TLN2: variants seen among roughly 807,000 people sequenced by gnomAD.
TLN2 encodes the protein talin 2.
A neutral mutation model predicts 294.7 loss-of-function variants in TLN2; 118 were observed. The observed-to-expected ratio is 0.40, with a 90% CI of 0.34 to 0.47. TLN2 has a LOEUF of 0.47. TLN2 is among the 20% of genes least tolerant of loss of function. The probability of loss-of-function intolerance (pLI) is 0.84; values close to 1 mark genes in which losing one functional copy is unlikely to be tolerated. For synonymous variants in TLN2, 1,431 were observed against 1,304.5 expected (o/e 1.10, Z -2.09); for missense variants, 3,083 against 3,282.2 (o/e 0.94, Z 1.48).
intron 2 of TLN2, among the ~76,000 whole-genome samples, chr15:62,591,445 A>G (rs1430744809): frequency 6.6e-6 from 1 of 152,208 alleles, no homozygotes; most frequent in Non-Finnish European, 1.5e-5. Context: ...GACATCTGGC[A>G]TGGTCAAACT....
intron 11 of TLN2, among the ~76,000 whole-genome samples, chr15:62,676,905 G>A (rs1000993655): frequency 2.6e-5 from 4 of 152,110 alleles, no homozygotes; most frequent in African/African-American, 4.8e-5. Context: ...GTGAGCCACC[G>A]CACCCTATCT....
At chr15:62,748,480 A>G (rs755027417) in intron 33 of TLN2, 36 bp downstream of exon 33, 15 of 1,502,840 alleles carry the variant, frequency 1.0e-5, no homozygotes, top group African/African-American at 5.5e-5. Flanking sequence ...GACTTGAGAG[A>G]GGGAGTGTCT....
intron 41 of TLN2, among the ~76,000 whole-genome samples, 174 bp from the exon 42 acceptor site, chr15:62,770,790 C>T (rs906543885): frequency 6.6e-6 from 1 of 152,132 alleles, no homozygotes; most frequent in Non-Finnish European, 1.5e-5. Context: ...AAAGTAAAAA[C>T]CAAGAAAGAG....
chr15:62,687,771 T>C (rs991953325), intron 12 of TLN2: 1 of 152,162 alleles, frequency 6.6e-6, no homozygotes, highest in Non-Finnish European at 1.5e-5. Context: ...AATTTGACTA[T>C]AGATTGATAG....
chr15:62,696,664 C>T (rs1455080369), intron 14 of TLN2, among the ~76,000 whole-genome samples: 7 of 152,172 alleles, frequency 4.6e-5, no homozygotes, highest in South Asian at 2.1e-4. Context: ...GCCGAGATCA[C>T]GCCACTGCAC....
At chr15:62,824,128 C>G (rs1279331454) in intron 54 of TLN2, 1 of 368,176 alleles carries the variant, frequency 2.7e-6, no homozygotes, top group East Asian at 8.3e-5. Flanking sequence ...ATGGAGCACT[C>G]ATTACAATTC....
At chr15:62,779,941 G>C (rs369101602) in intron 43 of TLN2, among the ~76,000 whole-genome samples, 29 of 152,144 alleles carry the variant, frequency 1.9e-4, no homozygotes, top group African/African-American at 7.0e-4. Context: ...ACATATAGCT[G>C]TCACTGAAGA....
intron 1 of TLN2, among the ~76,000 whole-genome samples, chr15:62,523,510 T>C (rs1390419076): frequency 6.6e-6 from 1 of 152,262 alleles, no homozygotes; most frequent in African/African-American, 2.4e-5. Context: ...AACACTATGC[T>C]AACTATGTTA....
At chr15:62,404,212 A>G (rs548161367) in intron 1 of TLN2, among the ~76,000 whole-genome samples, 10 of 152,300 alleles carry the variant, frequency 6.6e-5, no homozygotes, top group African/African-American at 2.4e-4. Flanking sequence ...CATCCTTATT[A>G]AATACTTGTT....
chr15:62,767,334 CTTT>C (rs2063071051), intron 41 of TLN2, among the ~76,000 whole-genome samples: 1 of 148,876 alleles, frequency 6.7e-6, no homozygotes, highest in Non-Finnish European at 1.5e-5. Context: ...CTTTTCTTTT[CTTT>C]TCTTTTCTTT....
rs376704356 is a variant in TLN2, at chr15:62,783,874, C to T, written c.5720C>T (p.Thr1907Met). Residue 1907 changes from threonine to methionine, a missense_variant, in exon 45 of 59, where the codon ACG (threonine) becomes ATG (methionine). Thr to Met is a moderately conservative substitution (Grantham distance 81, BLOSUM62 -1). Coordinates refer to ENST00000636159, the MANE Select transcript of TLN2 (RefSeq NM_015059.3). ...TTCCAGGGCCAGATGGCAGCAGCCA[C>T]GGCGGAACCAGAGGAGGTCTGCCAC... The part of the protein sequence containing the change: ...LAFQGQMAAA[T>M]AEPEEIGFQI... The T allele has an allele frequency of 1.2e-5, 20 of 1,614,028 alleles. No individual in the cohort carries two copies. The highest frequency in any genetic ancestry group is 1.7e-4 in the Middle Eastern group (1 of 6,040).
At chr15:62,415,028 C>T (rs1163638219) in intron 1 of TLN2, among the ~76,000 whole-genome samples, 1 of 141,000 alleles carries the variant, frequency 7.1e-6, no homozygotes, top group Non-Finnish European at 1.5e-5. Flanking sequence ...TCTGCCTCAG[C>T]CCCCCGAGTA....
intron 1 of TLN2, among the ~76,000 whole-genome samples, chr15:62,472,916 G>T (rs1035443592): frequency 6.6e-6 from 1 of 152,212 alleles, no homozygotes; most frequent in African/African-American, 2.4e-5. Flanking sequence ...GAAGGGGGTG[G>T]CCCAGGGTTC....
chr15:62,778,963 T>G (rs1018737301), intron 43 of TLN2, among the ~76,000 whole-genome samples: 1 of 152,262 alleles, frequency 6.6e-6, no homozygotes, highest in African/African-American at 2.4e-5. Flanking sequence ...TGGGTCCCTG[T>G]GCAGCAAGCG....
intron 1 of TLN2, among the ~76,000 whole-genome samples, chr15:62,398,142 TGGG>T (rs2032715749): frequency 2.0e-5 from 3 of 152,148 alleles, no homozygotes; most frequent in Admixed American, 1.3e-4. Context: ...AGGGACCTGG[TGGG>T]AAGTTATTGA....
At chr15:62,444,683 T>C (rs2035727739) in intron 1 of TLN2, among the ~76,000 whole-genome samples, 1 of 152,228 alleles carries the variant, frequency 6.6e-6, no homozygotes, top group Non-Finnish European at 1.5e-5. Flanking sequence ...TGCTTCTAAT[T>C]ACTGGCTAAG....
chr15:62,483,398 T>A (rs1309975530), intron 1 of TLN2, among the ~76,000 whole-genome samples: 2 of 152,232 alleles, frequency 1.3e-5, no homozygotes, highest in Non-Finnish European at 2.9e-5. Flanking sequence ...ACCAAGGTGC[T>A]TAGAACAGAC....
At position 62,534,199 on chromosome 15, in the gene TLN2, G is replaced by T. The variant is rs150659960; in HGVS notation, c.-237-55488G>T. Among the ~76,000 whole-genome samples the T allele has an allele frequency of 8.0e-4, 122 of 152,224 alleles. 3 individuals are homozygous for T. The highest frequency in any genetic ancestry group is 2.5e-4 in the Non-Finnish European group (17 of 68,032). ...TCTCCAGGGGATTGATTCTCCTGCA[G>T]ACACCAGCTGGGTATCCTCTAATTC... is the stretch of plus-strand genomic sequence containing the variant. On this transcript the variant is annotated intron_variant, in intron 1 of 58. Coordinates refer to ENST00000636159, the MANE Select transcript of TLN2 (RefSeq NM_015059.3).
chr15:62,544,545 C>G (rs2041881001), intron 1 of TLN2, among the ~76,000 whole-genome samples: 1 of 152,154 alleles, frequency 6.6e-6, no homozygotes, highest in Admixed American at 6.5e-5. Context: ...AAAAAACAGA[C>G]AGATTCCATA....
Sources: gnomAD v4.1 joint callset for allele counts (sites outside exome capture counted in the v4.1 genomes callset) on GRCh38, gnomAD v4.1.1 for gene constraint, MANE v1.5 for transcripts, NCBI Gene and HGNC (gene_info 2026-07-23, HGNC 2026-07-21) for gene names.